Variants in SHB observed in about 807,000 individuals in gnomAD.
SHB encodes SH2 domain-containing adapter protein B.
A neutral mutation model predicts 52.3 loss-of-function variants in SHB; 20 were observed. That is an observed-to-expected ratio of 0.38 (90% CI 0.27 to 0.56). The LOEUF is 0.56. Among genes scored for constraint, SHB ranks in the 20% least tolerant of loss-of-function variants. The pLI is 0.71. For missense variants in SHB, 825 were observed against 723.3 expected, an observed-to-expected ratio of 1.14 and a Z score of -1.61; for synonymous variants, 397 against 316.5, an observed-to-expected ratio of 1.25 and a Z score of -2.70.
At chr9:38,013,953 A>C (rs1464894108) in intron 2 of SHB, among the ~76,000 whole-genome samples, 4 of 152,148 alleles carry the variant, frequency 2.6e-5, no homozygotes, top group Non-Finnish European at 5.9e-5. Flanking sequence ...AATGAGGCTT[A>C]ATGAGGGTAT....
chr9:38,003,481 C>A (rs977269504), intron 2 of SHB, among the ~76,000 whole-genome samples: 4 of 152,114 alleles, frequency 2.6e-5, no homozygotes, highest in African/African-American at 9.7e-5. Flanking sequence ...GGTTCTACAC[C>A]CACACATGAC....
At chr9:37,927,566 A>G (rs1832264761) in intron 5 of SHB, among the ~76,000 whole-genome samples, 1 of 152,218 alleles carries the variant, frequency 6.6e-6, no homozygotes, top group African/African-American at 2.4e-5. Context: ...CCTGGCGAAC[A>G]TGTAGAGGCA....
intron 1 of SHB, among the ~76,000 whole-genome samples, chr9:38,067,452 A>T (rs1821984936): frequency 6.6e-6 from 1 of 152,040 alleles, no homozygotes; most frequent in Non-Finnish European, 1.5e-5. Context: ...TTACATATAC[A>T]CGCTGGAGAC....
intron 1 of SHB, among the ~76,000 whole-genome samples, chr9:38,025,151 C>T (rs569983769): frequency 1.3e-5 from 2 of 152,324 alleles, no homozygotes; most frequent in East Asian, 3.9e-4. Context: ...AACTGCCTCA[C>T]AGAAGAACCC....
intron 1 of SHB, among the ~76,000 whole-genome samples, chr9:38,053,254 T>C (rs906748025): frequency 2.0e-5 from 3 of 152,116 alleles, no homozygotes; most frequent in African/African-American, 7.2e-5. Flanking sequence ...CTTTTTTTTT[T>C]TGAGATGGAG....
intron 1 of SHB, among the ~76,000 whole-genome samples, chr9:38,025,596 C>T (rs1821331699): frequency 6.6e-6 from 1 of 152,180 alleles, no homozygotes; most frequent in East Asian, 1.9e-4. Context: ...TCACAGGTGC[C>T]GGATGGTTCC....
chr9:38,045,615 A>G (rs904246823), intron 1 of SHB, among the ~76,000 whole-genome samples: 1 of 152,192 alleles, frequency 6.6e-6, no homozygotes, highest in African/African-American at 2.4e-5. Context: ...TGTCTCCAAA[A>G]AAAACAAAGC....
chr9:38,006,729 C>G (rs1273542653), intron 2 of SHB, among the ~76,000 whole-genome samples: 1 of 152,216 alleles, frequency 6.6e-6, no homozygotes, highest in Non-Finnish European at 1.5e-5. Context: ...TTGTTGGGCC[C>G]TCACATCTAT....
chr9:37,936,203 G>A (rs967753970), intron 5 of SHB, among the ~76,000 whole-genome samples: 7 of 152,070 alleles, frequency 4.6e-5, no homozygotes, highest in African/African-American at 7.2e-5. Flanking sequence ...GCGACAGAGC[G>A]GGACTCTGTC....
intron 5 of SHB, among the ~76,000 whole-genome samples, chr9:37,948,405 A>C (rs1019486041): frequency 9.2e-5 from 14 of 152,206 alleles, no homozygotes; most frequent in Admixed American, 7.2e-4. Context: ...TAGTTAATAC[A>C]AAATCCTAGA....
At chr9:38,006,440 T>G (rs903250162) in intron 2 of SHB, among the ~76,000 whole-genome samples, 3 of 152,220 alleles carry the variant, frequency 2.0e-5, no homozygotes, top group Admixed American at 2.0e-4. Context: ...GGAGCTTTGC[T>G]GCAGATTAAT....
At chr9:37,966,128 T>C (rs537900933) in intron 3 of SHB, among the ~76,000 whole-genome samples, 3 of 152,280 alleles carry the variant, frequency 2.0e-5, no homozygotes, top group East Asian at 3.9e-4. Context: ...CGTAAGCCAC[T>C]GCGTCTGGCC....
At chr9:38,016,944 T>G (rs770404368) in intron 1 of SHB, among the ~76,000 whole-genome samples, 13 of 152,046 alleles carry the variant, frequency 8.6e-5, no homozygotes, top group Non-Finnish European at 1.5e-4. Context: ...AGACAAAGAG[T>G]GAGTCACCTG....
intron 5 of SHB, among the ~76,000 whole-genome samples, chr9:37,946,685 G>A (rs1287161948): frequency 6.6e-6 from 1 of 152,172 alleles, no homozygotes; most frequent in African/African-American, 2.4e-5. Context: ...TAGGATGAAC[G>A]GCCCGGTTTG....
chr9:37,951,983 G>A (rs1003205501), intron 4 of SHB, among the ~76,000 whole-genome samples: 1 of 152,192 alleles, frequency 6.6e-6, no homozygotes, highest in Non-Finnish European at 1.5e-5. Context: ...TCATCTCAGG[G>A]ATGGGCTGGA....
intron 2 of SHB, among the ~76,000 whole-genome samples, chr9:38,012,627 A>G (rs1821154719): frequency 6.6e-6 from 1 of 151,856 alleles, no homozygotes; most frequent in African/African-American, 2.4e-5. Context: ...CTCTGAGGCT[A>G]CTGCTTTGCA....
At chr9:37,989,361 A>C (rs556067654) in intron 2 of SHB, among the ~76,000 whole-genome samples, 7 of 152,296 alleles carry the variant, frequency 4.6e-5, no homozygotes, top group Non-Finnish European at 1.0e-4. Context: ...GCAGTTCCCT[A>C]AGAGGACCTG....
intron 3 of SHB, among the ~76,000 whole-genome samples, chr9:37,957,713 G>A (rs903356596): frequency 1.3e-5 from 2 of 152,254 alleles, no homozygotes; most frequent in Non-Finnish European, 2.9e-5. Context: ...CCTGCCTTAT[G>A]GAGCGCAGGG....
intron 2 of SHB, among the ~76,000 whole-genome samples, chr9:38,013,545 A>G (rs762124728): frequency 2.0e-5 from 3 of 152,206 alleles, no homozygotes; most frequent in Non-Finnish European, 2.9e-5. Context: ...CGAAGGTTGC[A>G]GTGAGCCAAG....
Sources: allele counts gnomAD v4.1 joint callset (sites outside exome capture counted in the v4.1 genomes callset), GRCh38; gene constraint gnomAD v4.1.1; transcripts MANE v1.5; gene names NCBI Gene and HGNC (gene_info 2026-07-23, HGNC 2026-07-21).